The following PDE10A variants were observed in gnomAD, a reference collection of about 807,000 sequenced individuals.
PDE10A encodes the protein phosphodiesterase 10A, also known as cAMP and cAMP-inhibited cGMP 3',5'-cyclic phosphodiesterase 10A.
PDE10A carries 39 observed loss-of-function variants against 97.7 expected under a neutral mutation model. That is an observed-to-expected ratio of 0.40 (90% confidence interval 0.31 to 0.52). The LOEUF (loss-of-function observed/expected upper bound fraction) is 0.52, where lower values mean the gene tolerates loss of function less well. PDE10A is among the 20% of genes least tolerant of loss of function. The pLI is 0.56. For missense variants in PDE10A, 731 were observed against 1,047.8 expected (o/e 0.70, Z 4.17); for synonymous variants, 371 against 376.8 (o/e 0.98, Z 0.18).
intron 21 of PDE10A, among the ~76,000 whole-genome samples, chr6:165,334,341 C>T (rs1195569395): frequency 1.3e-5 from 2 of 151,706 alleles, no homozygotes; most frequent in African/African-American, 2.4e-5. Context: ...CTCCATAGCG[C>T]CCTACAGCGC....
intron 1 of PDE10A, among the ~76,000 whole-genome samples, chr6:165,715,555 G>T (rs911997402): frequency 6.6e-6 from 1 of 152,178 alleles, no homozygotes; most frequent in Non-Finnish European, 1.5e-5. Flanking sequence ...AGGGAATGAA[G>T]GGGAGAAGGA....
At chr6:165,466,761 C>T (rs1208632040) in intron 3 of PDE10A, among the ~76,000 whole-genome samples, 1 of 152,068 alleles carries the variant, frequency 6.6e-6, no homozygotes, top group East Asian at 1.9e-4. Flanking sequence ...TGAAATTAGA[C>T]AAACCAATTA....
intron 1 of PDE10A, among the ~76,000 whole-genome samples, chr6:165,574,312 T>G (rs956416668): frequency 6.6e-6 from 1 of 151,590 alleles, no homozygotes; most frequent in Non-Finnish European, 1.5e-5. Flanking sequence ...TTATATTAGC[T>G]CTACTAAAAA....
At chr6:165,986,990 A>G (rs1349904446) in intron 1 of PDE10A, among the ~76,000 whole-genome samples, 3 of 151,814 alleles carry the variant, frequency 2.0e-5, no homozygotes, top group Non-Finnish European at 4.4e-5. Context: ...GGGAGAGAAG[A>G]GAGTGGCGGC....
intron 3 of PDE10A, among the ~76,000 whole-genome samples, chr6:165,456,044 T>G (rs1161294365): frequency 1.3e-5 from 2 of 152,212 alleles, no homozygotes; most frequent in African/African-American, 4.8e-5. Context: ...TTATCATCTG[T>G]AACCAGATCC....
chr6:165,691,589 GCGCACACACACACA>G (rs1193245728), intron 1 of PDE10A, among the ~76,000 whole-genome samples: 3 of 144,484 alleles, frequency 2.1e-5, no homozygotes, highest in Non-Finnish European at 4.6e-5. Context: ...ATGCACGCGC[GCGCACACACACACA>G]CACACACACA....
At chr6:165,532,480 TACAA>T (rs1782840746) in intron 2 of PDE10A, among the ~76,000 whole-genome samples, 1 of 152,008 alleles carries the variant, frequency 6.6e-6, no homozygotes, top group African/African-American at 2.4e-5. Context: ...AAGGGCAATG[TACAA>T]TAAGTGCATG....
intron 1 of PDE10A, among the ~76,000 whole-genome samples, chr6:165,730,344 A>G (rs936875143): frequency 6.6e-6 from 1 of 152,200 alleles, no homozygotes. Flanking sequence ...CTCTGAAATC[A>G]TTCCTTATCC....
intron 1 of PDE10A, among the ~76,000 whole-genome samples, chr6:165,692,164 G>T (rs954341146): frequency 7.2e-5 from 11 of 152,172 alleles, no homozygotes; most frequent in Non-Finnish European, 1.5e-4. Flanking sequence ...TGACAGGGAG[G>T]GTGGGGACGC....
At chr6:165,911,227 A>G (rs1318133521) in intron 1 of PDE10A, among the ~76,000 whole-genome samples, 12 of 152,066 alleles carry the variant, frequency 7.9e-5, no homozygotes, top group Non-Finnish European at 2.9e-5. Context: ...TAATCAACAA[A>G]CTCTTCTCCA....
intron 18 of PDE10A, among the ~76,000 whole-genome samples, chr6:165,363,101 A>G (rs1783531782): frequency 6.6e-6 from 1 of 152,206 alleles, no homozygotes; most frequent in Admixed American, 6.5e-5. Flanking sequence ...TAAAATACCC[A>G]TATCTAATAC....
Position 165,934,201 on chromosome 6 carries a change from T to C in PDE10A, c.-615+53328A>G, listed in dbSNP as rs991162733. 6.9e-5 allele frequency among the ~76,000 whole-genome samples: 10 copies of C among 145,432 alleles called. No individual in the cohort carries two copies. The South Asian group carries it at 1.3e-3, about 19-fold the overall frequency. On this transcript the variant is annotated intron_variant, in intron 1 of 19. Coordinates refer to the PDE10A transcript ENST00000366882. ...TTTTAGTGGAGATGGGGTTTTACCA[T>C]GTTGGCCAGCCTGGTCTTGAGCTCC...
Position 165,471,572 on chromosome 6 carries a change from T to C in PDE10A, c.1023+10743A>G, listed in dbSNP as rs182824134. Among the ~76,000 whole-genome samples the C allele has an allele frequency of 4.0e-3, 613 of 152,266 alleles. 12 individuals carry two copies. The highest frequency in any genetic ancestry group is 0.014 in the African/African-American group (589 of 41,560). ...GGAACCACCCCCTGAACACACACCC[T>C]GACCTGTCCATCCTGCAGGCCCTCC... On this transcript the variant is annotated intron_variant, in intron 3 of 21. Transcript: ENST00000539869.
intron 1 of PDE10A, among the ~76,000 whole-genome samples, chr6:165,965,693 T>C (rs1280114213): frequency 6.6e-6 from 1 of 152,222 alleles, no homozygotes; most frequent in Non-Finnish European, 1.5e-5. Flanking sequence ...AAAAACTGTG[T>C]CTACATTTAG....
chr6:165,506,845 C>T (rs1005244215), intron 2 of PDE10A, among the ~76,000 whole-genome samples: 17 of 152,062 alleles, frequency 1.1e-4, no homozygotes, highest in African/African-American at 4.1e-4. Flanking sequence ...TGAAATACTG[C>T]CATAACAATC....
At chr6:165,892,033 C>G (rs1057149327) in intron 1 of PDE10A, among the ~76,000 whole-genome samples, 2 of 152,056 alleles carry the variant, frequency 1.3e-5, no homozygotes, top group East Asian at 1.9e-4. Flanking sequence ...ATTCTCCCCC[C>G]ACTGACCGGA....
At chr6:165,768,148 T>C (rs538457899) in intron 1 of PDE10A, among the ~76,000 whole-genome samples, 1 of 152,342 alleles carries the variant, frequency 6.6e-6, no homozygotes, top group East Asian at 1.9e-4. Context: ...TGCCTTTTTA[T>C]CGTTGAGTTG....
intron 1 of PDE10A, among the ~76,000 whole-genome samples, chr6:165,714,316 G>T (rs1039268010): frequency 1.3e-5 from 2 of 152,234 alleles, no homozygotes; most frequent in Non-Finnish European, 2.9e-5. Context: ...CCTCTGTGGG[G>T]AAAGCGGGGA....
In PDE10A at chr6:165,688,032, G is replaced by A. The variant is rs147382953; in HGVS notation, c.-614-144464C>T. 6.6e-5 allele frequency among the ~76,000 whole-genome samples: 10 copies of A among 152,286 alleles called. No individual in the cohort carries two copies. In the East Asian group the frequency reaches 1.4e-3, roughly 21 times the overall value. On this transcript the variant is annotated intron_variant, in intron 1 of 19. Coordinates refer to the PDE10A transcript ENST00000366882. ...GAACTCCTACCCGAGGCCAGCACAC[G>A]CACACCCCAAATGGAGGGACCACGT...
Sources: allele counts gnomAD v4.1 joint callset (sites outside exome capture counted in the v4.1 genomes callset), GRCh38; gene constraint gnomAD v4.1.1; transcripts MANE v1.5; gene names NCBI Gene and HGNC (gene_info 2026-07-23, HGNC 2026-07-21).